The following VAV2 variants were observed in gnomAD, a reference collection of about 807,000 sequenced individuals.
VAV2 encodes the protein vav guanine nucleotide exchange factor 2.
Under a neutral mutation model 132.5 loss-of-function variants are expected in VAV2, and 67 were observed. That is an observed-to-expected ratio of 0.51 (90% CI 0.42 to 0.62). The LOEUF (loss-of-function observed/expected upper bound fraction) is 0.62. VAV2 is among the 20% of genes least tolerant of loss of function. The pLI is 0.00. For missense variants in VAV2, 938 were observed against 1,153.6 expected (o/e 0.81, Z 2.71); for synonymous variants, 492 against 443.5 (o/e 1.11, Z -1.37).
At position 133,795,649 on chromosome 9, in the gene VAV2, C is replaced by T. The variant is rs758090472; in HGVS notation, c.1101+19G>A. 9 of 1,613,848 alleles carry T rather than the reference C, an allele frequency of 5.6e-6. No individual in the cohort carries two copies. The highest frequency in any genetic ancestry group is 5.1e-6 in the Non-Finnish European group (6 of 1,179,750). ...AAGCCAGACGGTGGCTTCTCCCCTG[C>T]CTCAGTTTACCCACACACCTGCATG... is the stretch of plus-strand genomic sequence containing the variant. On this transcript the variant is annotated intron_variant, in intron 12 of 29. Transcript: ENST00000371850.
At chr9:133,814,431 G>A (rs545277104) in intron 4 of VAV2, among the ~76,000 whole-genome samples, 108 of 152,344 alleles carry the variant, frequency 7.1e-4, no homozygotes, top group African/African-American at 2.1e-3. Flanking sequence ...AGCCTCTGTC[G>A]AAAACTCTTG....
chr9:133,955,573 TTTCTCCC>T (rs1286867764), intron 1 of VAV2, among the ~76,000 whole-genome samples: 1 of 10,406 alleles, frequency 9.6e-5, no homozygotes, highest in Non-Finnish European at 1.8e-4. Context: ...CCCCACCTCC[TTTCTCCC>T]CACTCCCCCC....
chr9:133,897,860 TC>T (rs1839275445), intron 2 of VAV2, among the ~76,000 whole-genome samples: 1 of 152,070 alleles, frequency 6.6e-6, no homozygotes, highest in Non-Finnish European at 1.5e-5. Context: ...CCCCCAGGCC[TC>T]CAGAATGTCT....
At chr9:133,819,771 G>A (rs567127580) in intron 4 of VAV2, among the ~76,000 whole-genome samples, 7 of 152,250 alleles carry the variant, frequency 4.6e-5, no homozygotes, top group Non-Finnish European at 8.8e-5. Flanking sequence ...AATGAACACT[G>A]GGAGAGATGG....
intron 4 of VAV2, among the ~76,000 whole-genome samples, chr9:133,821,169 C>T (rs944872557): frequency 3.9e-5 from 6 of 152,334 alleles, no homozygotes; most frequent in Middle Eastern, 3.4e-3. Flanking sequence ...ATCAGTGTCT[C>T]GGCTAGAAAG....
At chr9:133,838,138 C>A (rs183533431) in intron 3 of VAV2, among the ~76,000 whole-genome samples, 6 of 152,062 alleles carry the variant, frequency 3.9e-5, no homozygotes, top group Non-Finnish European at 4.4e-5. Flanking sequence ...CCGCTCCCCC[C>A]ACAGCCCTCC....
At chr9:133,908,889 A>T (rs192664945) in intron 2 of VAV2, among the ~76,000 whole-genome samples, 1 of 152,350 alleles carries the variant, frequency 6.6e-6, no homozygotes, top group Admixed American at 6.5e-5. Flanking sequence ...CAATCTGGTG[A>T]GGGCAAGGCC....
chr9:133,809,171 C>T (rs761429318), intron 6 of VAV2, 33 bp from the exon 7 acceptor site: 98 of 1,599,456 alleles, frequency 6.1e-5, no homozygotes, highest in Non-Finnish European at 7.9e-5. Flanking sequence ...AGCAGGACCC[C>T]ATGGGCCCGG....
rs944380301 is a variant in VAV2, at chr9:133,991,320, C to A, written c.204+755G>T. Among the ~76,000 whole-genome samples, 2 of 152,232 alleles carry A rather than the reference C, an allele frequency of 1.3e-5. No individual in the cohort carries two copies. The highest frequency in any genetic ancestry group is 2.9e-5 in the Non-Finnish European group (2 of 68,038). The stretch of plus-strand genomic sequence containing the variant: ...GGCCAAGAAAAGCAGCTTCGTTCGG[C>A]TGGGCAGGCATTTTCCTGCCTGGCC... On this transcript the variant is annotated intron_variant, in intron 1 of 29. Coordinates refer to ENST00000371850, the MANE Select transcript of VAV2 (RefSeq NM_001134398.2). This position sits in a 1 kb window ranked among gnomAD's most constrained non-coding sequence, Gnocchi z 4.8.
intron 4 of VAV2, among the ~76,000 whole-genome samples, chr9:133,813,100 C>T: frequency 6.6e-6 from 1 of 152,238 alleles, no homozygotes; most frequent in African/African-American, 2.4e-5. Flanking sequence ...CCAACCACCC[C>T]CTGTTCCCAC....
At chr9:133,783,975 G>C (rs905814479) in intron 18 of VAV2, among the ~76,000 whole-genome samples, 2 of 149,536 alleles carry the variant, frequency 1.3e-5, no homozygotes, top group Non-Finnish European at 3.0e-5. Context: ...CAATCTCCAG[G>C]ACTTATTCAA....
In VAV2 at chr9:133,883,423, C is replaced by A. The variant is rs1194688859; in HGVS notation, c.322-21991G>T. Among the ~76,000 whole-genome samples, 1 of 152,142 alleles carries A rather than the reference C, an allele frequency of 6.6e-6. No individual in the cohort carries two copies. Among genetic ancestry groups the A allele is most frequent in the Non-Finnish European group, 1.5e-5 (1 of 68,026 alleles). On this transcript the variant is annotated intron_variant, in intron 2 of 29. Coordinates refer to ENST00000371850, the MANE Select transcript of VAV2 (RefSeq NM_001134398.2). The surrounding 1 kb of genome is among the most constrained non-coding windows in gnomAD (Gnocchi z 4.2). ...GTCAGGGCCAGGGAGAGGAACAGAG[C>A]CGAGTCAGCTGCTGACCTGCTGCAG... is the stretch of plus-strand genomic sequence containing the variant.
At chr9:133,839,826 T>G (rs1033275994) in intron 3 of VAV2, among the ~76,000 whole-genome samples, 1 of 152,194 alleles carries the variant, frequency 6.6e-6, no homozygotes, top group Non-Finnish European at 1.5e-5. Flanking sequence ...GTAGGGACTT[T>G]GTAAACACTG....
chr9:133,899,322 C>G (rs1394875919), intron 2 of VAV2, among the ~76,000 whole-genome samples: 1 of 151,358 alleles, frequency 6.6e-6, no homozygotes, highest in East Asian at 2.0e-4. Flanking sequence ...TTTGGGAGGC[C>G]GAGGTGAGTG....
At chr9:133,772,384 A>G (rs1043696354) in intron 25 of VAV2, among the ~76,000 whole-genome samples, 3 of 152,122 alleles carry the variant, frequency 2.0e-5, no homozygotes, top group African/African-American at 7.2e-5. Context: ...CTCCCTGTGG[A>G]GCAGCCGGGC....
chr9:133,933,608 G>C (rs1447630049), intron 2 of VAV2, among the ~76,000 whole-genome samples: 5 of 151,442 alleles, frequency 3.3e-5, no homozygotes, highest in African/African-American at 1.2e-4. Flanking sequence ...TGGGTGGAAG[G>C]ACGAGTAAAT....
chr9:133,865,747 T>A lies in VAV2; in HGVS notation c.322-4315A>T, dbSNP rs73662309. 7.4e-3 allele frequency among the ~76,000 whole-genome samples: 1,127 copies of A among 152,362 alleles called. 18 individuals carry two copies. Among genetic ancestry groups the A allele is most frequent in the African/African-American group, 0.025 (1,057 of 41,572 alleles). ...CACCAGCTGGCTAGTCTGGTAAACATACATATATTCACAGATTATATGTAT... is the reference window on the plus strand; with the variant it reads ...CACCAGCTGGCTAGTCTGGTAAACAAACATATATTCACAGATTATATGTAT... On this transcript the variant is annotated intron_variant, in intron 2 of 29. Coordinates refer to ENST00000371850, the MANE Select transcript of VAV2 (RefSeq NM_001134398.2).
intron 1 of VAV2, among the ~76,000 whole-genome samples, chr9:133,952,870 G>T (rs183621832): frequency 0.031 from 2,543 of 81,022 alleles, 55 homozygotes; most frequent in East Asian, 0.057. Flanking sequence ...ATGGCCCCCG[G>T]GACACCTAGA....
intron 1 of VAV2, among the ~76,000 whole-genome samples, chr9:133,960,853 T>A (rs1279245068): frequency 6.6e-6 from 1 of 152,228 alleles, no homozygotes; most frequent in East Asian, 1.9e-4. Flanking sequence ...TACTCCACAC[T>A]GGCTGGTGCC....
Sources: allele counts gnomAD v4.1 joint callset (sites outside exome capture counted in the v4.1 genomes callset), GRCh38; gene constraint gnomAD v4.1.1; non-coding constraint Gnocchi (gnomAD v3.1); transcripts MANE v1.5; gene names NCBI Gene and HGNC (gene_info 2026-07-23, HGNC 2026-07-21).